MAMLD1: variants seen among roughly 807,000 people sequenced by gnomAD.
MAMLD1 encodes mastermind like domain containing 1, also known as mastermind-like domain-containing protein 1.
MAMLD1 carries 14 observed loss-of-function variants against 45.0 expected under a neutral mutation model. The ratio of observed to expected loss-of-function variants is 0.31; its 90% CI spans 0.21 to 0.49. MAMLD1 has a LOEUF of 0.49. Ranked by LOEUF, MAMLD1 falls within the 20% of genes least tolerant of loss-of-function variation. The probability of loss-of-function intolerance (pLI) is 0.99; values close to 1 mark genes in which losing one functional copy is unlikely to be tolerated. For missense variants in MAMLD1, 543 were observed against 603.6 expected (o/e 0.90, Z 1.05); for synonymous variants, 254 against 247.8 (o/e 1.02, Z -0.24).
At chrX:150,428,905 A>G (rs2034812624) in intron 1 of MAMLD1, among the ~76,000 whole-genome samples, 2 of 111,842 alleles carry the variant, frequency 1.8e-5, no homozygotes, top group South Asian at 7.5e-4. Context: ...TCCCCTTTAC[A>G]TTGGCTCCGG....
At chrX:150,476,927 G>A (rs2036596201) in intron 5 of MAMLD1, among the ~76,000 whole-genome samples, 1 of 113,220 alleles carries the variant, frequency 8.8e-6, no homozygotes. Context: ...CTAAAGTGGG[G>A]CCTTGGGGAA....
At chrX:150,381,326 T>G (rs1557401649) in intron 1 of MAMLD1, among the ~76,000 whole-genome samples, 1 of 112,425 alleles carries the variant, frequency 8.9e-6, no homozygotes, top group African/African-American at 3.2e-5. Flanking sequence ...ACAGTCACAT[T>G]GATACACTCC....
chrX:150,462,835 A>C lies in MAMLD1; in HGVS notation c.160A>C (p.Arg54=), dbSNP rs368544457. 6 of 1,203,874 alleles carry C rather than the reference A, an allele frequency of 5.0e-6. No individual in the cohort carries two copies. The highest frequency in any genetic ancestry group is 6.7e-6 in the Non-Finnish European group (6 of 889,606). Residue 54 remains arginine (R), a synonymous_variant, in exon 3 of 8, where the codon AGA becomes CGA. Coordinates refer to ENST00000370401, the MANE Select transcript of MAMLD1 (RefSeq NM_005491.5). The part of the protein sequence containing the change: ...LSFLYKSSPG[R]KHQGTVKRRQ... ...TTTTCTCTACAAGAGCAGCCCAGGA[A>C]GAAAGCATCAGGTAAGCATAAGCTT...
At chrX:150,443,322 T>C (rs1405172435) in intron 1 of MAMLD1, among the ~76,000 whole-genome samples, 3 of 108,774 alleles carry the variant, frequency 2.8e-5, no homozygotes, top group Non-Finnish European at 3.8e-5. Flanking sequence ...TAATTCTGTA[T>C]GTCCCTGAGT....
chrX:150,377,032 C>T (rs1011923474), intron 1 of MAMLD1, among the ~76,000 whole-genome samples: 1 of 113,030 alleles, frequency 8.8e-6, no homozygotes, highest in African/African-American at 3.2e-5. Context: ...TGTTGGCCAC[C>T]TATAGCTTAT....
At chrX:150,458,188 C>A (rs1475748453) in intron 2 of MAMLD1, among the ~76,000 whole-genome samples, 1 of 111,634 alleles carries the variant, frequency 9.0e-6, no homozygotes, top group African/African-American at 3.3e-5. Context: ...GCTACATAGG[C>A]ATGTTCTGGA....
intron 2 of MAMLD1, among the ~76,000 whole-genome samples, chrX:150,459,390 GTC>G (rs369898273): frequency 2.4e-4 from 26 of 108,204 alleles, no homozygotes; most frequent in South Asian, 7.9e-4. Flanking sequence ...AGTTGGTATA[GTC>G]TCTCTCTCTC....
Position 150,512,712 on chromosome X carries a change from G to T in MAMLD1, c.*753G>T, listed in dbSNP as rs991338261. The T allele has an allele frequency of 8.7e-7, 1 of 1,154,014 alleles. No homozygotes were observed. Among genetic ancestry groups the T allele is most frequent in the Non-Finnish European group, 1.1e-6 (1 of 871,601 alleles). ...GGTATGGCCAGCTTTAGTCCCCTGA[G>T]CCCCATACAGGGCATCGAGCCACCA... On this transcript the variant is annotated 3_prime_UTR_variant, in exon 8 of 8. Transcript: ENST00000370401.
chrX:150,503,317 C>T lies in MAMLD1; in HGVS notation c.2084C>T (p.Pro695Leu). The change falls in exon 6 of 8, where the codon CCC becomes CTC. Residue 695 changes from proline (P) to leucine (L), a missense_variant. Pro to Leu is a moderately conservative substitution (Grantham distance 98, BLOSUM62 -3). Coordinates refer to ENST00000370401, the MANE Select transcript of MAMLD1 (RefSeq NM_005491.5). ...TGCAAGCTTGGGGAAGCCAGGCACC[C>T]CCAGGTCAGCCTCGGGCGACAGCCC... The part of the protein sequence containing the change: ...KACKLGEARH[P>L]QVSLGRQPPS... 1.6e-6 allele frequency: 2 copies of T among 1,212,171 alleles called. No individual in the cohort carries two copies. Among genetic ancestry groups the T allele is most frequent in the Non-Finnish European group, 2.2e-6 (2 of 895,460 alleles).
At chrX:150,365,973 A>C (rs1307524004) in intron 1 of MAMLD1, among the ~76,000 whole-genome samples, 1 of 112,613 alleles carries the variant, frequency 8.9e-6, no homozygotes, top group Non-Finnish European at 1.9e-5. Context: ...GTCAAATATA[A>C]TGTTAGAAGT....
chrX:150,397,285 A>G (rs2033455874), intron 1 of MAMLD1, among the ~76,000 whole-genome samples: 1 of 111,795 alleles, frequency 8.9e-6, no homozygotes, highest in Non-Finnish European at 1.9e-5. Flanking sequence ...AAAAATTGAG[A>G]TTTCATCTTA....
chrX:150,502,730 G>A (rs1036017352), intron 5 of MAMLD1, among the ~76,000 whole-genome samples: 2 of 108,636 alleles, frequency 1.8e-5, no homozygotes, highest in East Asian at 2.9e-4. Context: ...GTTTGGTTTT[G>A]CACTCACCAT....
chrX:150,371,899 C>T (rs1259498376), intron 1 of MAMLD1, among the ~76,000 whole-genome samples: 1 of 111,257 alleles, frequency 9.0e-6, no homozygotes, highest in Non-Finnish European at 1.9e-5. Flanking sequence ...AAGAGTAAAA[C>T]CCCATGATTT....
At chrX:150,458,583 A>C (rs1196665833) in intron 2 of MAMLD1, among the ~76,000 whole-genome samples, 1 of 112,158 alleles carries the variant, frequency 8.9e-6, no homozygotes. Context: ...ACCTCACTAT[A>C]GGAAAGAAGG....
chrX:150,408,550 C>G (rs2034051127), intron 1 of MAMLD1, among the ~76,000 whole-genome samples: 2 of 112,149 alleles, frequency 1.8e-5, no homozygotes, highest in African/African-American at 6.5e-5. Context: ...TAACTTGCCT[C>G]CATGTCAACT....
chrX:150,473,609 A>G, intron 4 of MAMLD1, 71 bp from the exon 5 acceptor site: 2 of 1,095,665 alleles, frequency 1.8e-6, no homozygotes, highest in East Asian at 6.0e-5. Flanking sequence ...AGCACATAGG[A>G]CACGGCAGGC....
chrX:150,452,060 T>C (rs1207060133), intron 2 of MAMLD1, among the ~76,000 whole-genome samples: 1 of 111,804 alleles, frequency 8.9e-6, no homozygotes, highest in Non-Finnish European at 1.9e-5. Context: ...ATATGGCACA[T>C]AGTAAATGCT....
intron 1 of MAMLD1, among the ~76,000 whole-genome samples, chrX:150,377,819 TCACACA>T (rs3066915): frequency 2.3e-4 from 21 of 91,839 alleles, no homozygotes; most frequent in African/African-American, 8.0e-4. Flanking sequence ...TACCACCCCC[TCACACA>T]CACACACACA....
chrX:150,382,032 C>G (rs1055466282), intron 1 of MAMLD1, among the ~76,000 whole-genome samples: 1 of 111,053 alleles, frequency 9.0e-6, no homozygotes, highest in Non-Finnish European at 1.9e-5. Flanking sequence ...TTTTGGGGGT[C>G]AGATTTTTGT....
Sources: allele counts gnomAD v4.1 joint callset (sites outside exome capture counted in the v4.1 genomes callset), GRCh38; gene constraint gnomAD v4.1.1; transcripts MANE v1.5; gene names NCBI Gene and HGNC (gene_info 2026-07-23, HGNC 2026-07-21).